Variants in RGS7 observed in about 807,000 individuals in gnomAD.
RGS7 encodes the protein regulator of G protein signaling 7.
RGS7 carries 27 observed loss-of-function variants against 81.1 expected under a neutral mutation model. That is an observed-to-expected ratio of 0.33 (90% CI 0.25 to 0.46). The LOEUF (loss-of-function observed/expected upper bound fraction) is 0.46. RGS7 is among the 20% of genes least tolerant of loss of function. RGS7 has a pLI of 1.00. For synonymous variants in RGS7, 208 were observed against 207.7 expected (o/e 1.00, Z -0.01); for missense variants, 396 against 607.4 (o/e 0.65, Z 3.66).
intron 2 of RGS7, among the ~76,000 whole-genome samples, chr1:241,176,134 T>C (rs1000336314): frequency 3.3e-5 from 5 of 152,184 alleles, no homozygotes; most frequent in Non-Finnish European, 7.3e-5. Flanking sequence ...ACAGAGCAGA[T>C]GCAGCCTGCT....
rs112267251 is a variant in RGS7, at chr1:241,064,206, T to C, written c.175+34460A>G. The stretch of plus-strand genomic sequence containing the variant: ...TTCAAAAAAAAAAAAAAAAAAAAAA[T>C]CAAATAAGAGAAAGGTGCTGTGCTT... On this transcript the variant is annotated intron_variant, in intron 3 of 18. Coordinates refer to ENST00000440928, the MANE Select transcript of RGS7 (RefSeq NM_001364886.1). Among the ~76,000 whole-genome samples, 60 of 125,034 alleles carry C rather than the reference T, an allele frequency of 4.8e-4. 1 individual carries two copies. The Middle Eastern group carries it at 0.013, about 26-fold the overall frequency. The allele number at this position is 125,034 out of a possible 152,430, so 82.0% of individuals were successfully genotyped here. A position where few individuals can be genotyped will look rare whatever the true frequency, so the allele number is the denominator to read the frequency against.
At chr1:241,308,209 G>A (rs944949471) in intron 2 of RGS7, among the ~76,000 whole-genome samples, 6 of 152,126 alleles carry the variant, frequency 3.9e-5, no homozygotes, top group Non-Finnish European at 5.9e-5. Flanking sequence ...GCAGGCCAGG[G>A]CACAGTGACC....
chr1:240,990,044 T>C (rs1686236130), intron 3 of RGS7, among the ~76,000 whole-genome samples: 1 of 152,166 alleles, frequency 6.6e-6, no homozygotes, highest in Non-Finnish European at 1.5e-5. Context: ...CGGCAAGACA[T>C]TTGAGGCTGA....
At chr1:241,174,895 G>GTTTTTTTTTTTTTTTTTTTTT (rs551122102) in intron 2 of RGS7, among the ~76,000 whole-genome samples, 6 of 69,230 alleles carry the variant, frequency 8.7e-5, no homozygotes, top group Admixed American at 4.8e-4. Flanking sequence ...ACAGAATTTT[G>GTTTTTTTTTTTTTTTTTTTTT]TTTTTTTTTT....
At chr1:241,012,077 G>A (rs2058984659) in intron 3 of RGS7, among the ~76,000 whole-genome samples, 1 of 152,054 alleles carries the variant, frequency 6.6e-6, no homozygotes, top group African/African-American at 2.4e-5. Context: ...ACCCCTTTCT[G>A]GTAACATCAC....
intron 2 of RGS7, among the ~76,000 whole-genome samples, chr1:241,158,474 CA>C (rs2069362835): frequency 6.6e-6 from 1 of 152,188 alleles, no homozygotes; most frequent in Non-Finnish European, 1.5e-5. Context: ...TGCTCAAACC[CA>C]AGCGCTATCT....
At position 241,258,865 on chromosome 1, in the gene RGS7, T is replaced by C. The variant is rs143510090; in HGVS notation, c.78+96834A>G. ...TAGCAACGTGATAATTCACAGAGTA[T>C]TATCCTGCAGGCTTCAAAGACAACA... On this transcript the variant is annotated intron_variant, in intron 2 of 18. Transcript: ENST00000440928. 6.5e-4 allele frequency among the ~76,000 whole-genome samples: 99 copies of C among 152,332 alleles called. No individual in the cohort carries two copies. The East Asian group carries it at 0.017, about 26-fold the overall frequency.
chr1:240,894,564 A>G (rs1668744648), intron 6 of RGS7, among the ~76,000 whole-genome samples: 1 of 151,542 alleles, frequency 6.6e-6, no homozygotes, highest in South Asian at 2.1e-4. Flanking sequence ...TAACGACCAT[A>G]TTTATTTGTA....
intron 2 of RGS7, among the ~76,000 whole-genome samples, chr1:241,197,029 GGTTA>G (rs1474467000): frequency 6.7e-6 from 1 of 150,012 alleles, no homozygotes; most frequent in Non-Finnish European, 1.5e-5. Context: ...GAATATGCTG[GGTTA>G]ATTAGAAAAT....
At chr1:241,186,597 C>T (rs1437707137) in intron 2 of RGS7, 7 of 161,942 alleles carry the variant, frequency 4.3e-5, no homozygotes, top group African/African-American at 1.8e-4. Context: ...GATCTCGGCT[C>T]ACCACAACCT....
At chr1:241,337,790 T>G (rs1413736618) in intron 2 of RGS7, among the ~76,000 whole-genome samples, 1 of 152,192 alleles carries the variant, frequency 6.6e-6, no homozygotes, top group African/African-American at 2.4e-5. Flanking sequence ...ACTCAGTACT[T>G]CCGTACATAC....
intron 3 of RGS7, among the ~76,000 whole-genome samples, chr1:240,997,682 G>A (rs527840755): frequency 6.6e-6 from 1 of 152,114 alleles, no homozygotes; most frequent in Non-Finnish European, 1.5e-5. Flanking sequence ...AAAATTAGTC[G>A]AGAAGGGGGC....
At chr1:241,138,624 G>T (rs1050053237) in intron 2 of RGS7, among the ~76,000 whole-genome samples, 1 of 152,270 alleles carries the variant, frequency 6.6e-6, no homozygotes, top group Non-Finnish European at 1.5e-5. Flanking sequence ...AGGTGATTGC[G>T]TAGCCGGTGC....
chr1:241,325,182 A>C (rs2081421666), intron 2 of RGS7, among the ~76,000 whole-genome samples: 1 of 152,356 alleles, frequency 6.6e-6, no homozygotes, highest in East Asian at 1.9e-4. Context: ...TTTAAACAAC[A>C]AAGATTTTCT....
chr1:241,020,955 A>G (rs2059505919), intron 3 of RGS7, among the ~76,000 whole-genome samples: 1 of 152,180 alleles, frequency 6.6e-6, no homozygotes, highest in Non-Finnish European at 1.5e-5. Flanking sequence ...TATGGTTCTT[A>G]TGTTGTAAAT....
intron 9 of RGS7, among the ~76,000 whole-genome samples, chr1:240,846,658 C>T (rs965508281): frequency 3.3e-5 from 5 of 152,198 alleles, no homozygotes; most frequent in African/African-American, 4.8e-5. Flanking sequence ...CTGGTATTCT[C>T]ACTCTGTGTG....
At chr1:241,298,370 G>A (rs2079545369) in intron 2 of RGS7, among the ~76,000 whole-genome samples, 1 of 152,174 alleles carries the variant, frequency 6.6e-6, no homozygotes, top group African/African-American at 2.4e-5. Flanking sequence ...GACTTTGCTG[G>A]AACTTGTATT....
intron 2 of RGS7, among the ~76,000 whole-genome samples, chr1:241,352,332 G>C (rs775064935): frequency 2.6e-5 from 4 of 152,138 alleles, no homozygotes; most frequent in Non-Finnish European, 4.4e-5. Flanking sequence ...ACTGAAGGAG[G>C]CCTAAAAAGT....
chr1:241,141,928 C>T (rs1031762977), intron 2 of RGS7, among the ~76,000 whole-genome samples: 1 of 152,220 alleles, frequency 6.6e-6, no homozygotes, highest in Non-Finnish European at 1.5e-5. Flanking sequence ...TAGTTACTTC[C>T]TAGACACCGT....
Sources: gnomAD v4.1 joint callset for allele counts (sites outside exome capture counted in the v4.1 genomes callset) on GRCh38, gnomAD v4.1.1 for gene constraint, MANE v1.5 for transcripts, NCBI Gene and HGNC (gene_info 2026-07-23, HGNC 2026-07-21) for gene names.